LYPD6B: variants seen among roughly 807,000 people sequenced by gnomAD.
LYPD6B encodes LY6/PLAUR domain containing 6B, also known as ly6/PLAUR domain-containing protein 6B.
LYPD6B carries 17 observed loss-of-function variants against 22.8 expected under a neutral mutation model. The ratio of observed to expected loss-of-function variants is 0.75; its 90% CI spans 0.51 to 1.12. LYPD6B has a LOEUF of 1.12. Among genes scored for constraint, LYPD6B ranks in the 50% most tolerant of loss-of-function variants. The pLI is 0.00. For missense variants in LYPD6B, 221 were observed against 258.3 expected, an observed-to-expected ratio of 0.86 and a Z score of 0.99; for synonymous variants, 106 against 91.6, an observed-to-expected ratio of 1.16 and a Z score of -0.90.
chr2:149,210,448 A>G (rs1297617888), intron 5 of LYPD6B, among the ~76,000 whole-genome samples: 1 of 152,216 alleles, frequency 6.6e-6, no homozygotes, highest in Non-Finnish European at 1.5e-5. Flanking sequence ...GGCAGGTCCC[A>G]AAGATACTAA....
chr2:149,214,495 C>T (rs75047241), intron 6 of LYPD6B, 51 bp from the exon 7 acceptor site: 17,550 of 1,570,118 alleles, frequency 0.011, 136 homozygotes, highest in South Asian at 0.013. Flanking sequence ...TCTTTTGCCC[C>T]TTCCCTCTTC....
intron 1 of LYPD6B, among the ~76,000 whole-genome samples, chr2:149,089,784 A>G (rs1685565478): frequency 6.6e-6 from 1 of 152,220 alleles, no homozygotes; most frequent in African/African-American, 2.4e-5. Context: ...AAGGCATTTT[A>G]AAGTATTTAT....
chr2:149,108,747 C>T (rs942144357), intron 1 of LYPD6B, among the ~76,000 whole-genome samples: 4 of 152,112 alleles, frequency 2.6e-5, no homozygotes, highest in African/African-American at 9.7e-5. Context: ...TAATCACCCC[C>T]TTTTGTTCTT....
chr2:149,120,757 A>G (rs545163944), intron 1 of LYPD6B, among the ~76,000 whole-genome samples: 1 of 143,572 alleles, frequency 7.0e-6, no homozygotes, highest in Non-Finnish European at 1.5e-5. Flanking sequence ...ATTAATATAA[A>G]CATTTTTTGC....
At chr2:149,113,438 A>T (rs918920201) in intron 1 of LYPD6B, among the ~76,000 whole-genome samples, 13 of 152,172 alleles carry the variant, frequency 8.5e-5, no homozygotes, top group African/African-American at 3.1e-4. Flanking sequence ...TAAAATTCTG[A>T]GATGAAGTCA....
At chr2:149,210,108 A>G (rs17528703) in intron 5 of LYPD6B, among the ~76,000 whole-genome samples, 15,692 of 152,208 alleles carry the variant, frequency 0.1, 919 homozygotes, top group Non-Finnish European at 0.11. Flanking sequence ...TTCATGGCTC[A>G]TGCTATTGTT....
intron 1 of LYPD6B, among the ~76,000 whole-genome samples, chr2:149,121,652 C>A (rs1687366104): frequency 6.6e-6 from 1 of 152,154 alleles, no homozygotes; most frequent in South Asian, 2.1e-4. Context: ...GGGCTCATAG[C>A]CAGTCCTGGG....
chr2:149,187,353 G>T, intron 3 of LYPD6B: 1 of 1,386,878 alleles, frequency 7.2e-7, no homozygotes, highest in East Asian at 2.9e-5. Flanking sequence ...TGCCCAAATG[G>T]CTATCATTTC....
intron 3 of LYPD6B, among the ~76,000 whole-genome samples, chr2:149,175,023 ATCTC>A (rs142556922): frequency 0.029 from 3,595 of 125,680 alleles, 59 homozygotes; most frequent in African/African-American, 0.033. Flanking sequence ...AATCTCTTTA[ATCTC>A]TCTCTCTCTC....
rs1186665152 is a variant in LYPD6B, at chr2:149,102,368, A to T, written c.-66-28515A>T. ...GTGAGGAAGAGAGGCCTCCACAGTA[A>T]TACAGGATTCTGACAACTTCTGCTA... On this transcript the variant is annotated intron_variant, in intron 1 of 6. Transcript: ENST00000409642. Among the ~76,000 whole-genome samples, 4 of 152,338 alleles carry T rather than the reference A, an allele frequency of 2.6e-5. No homozygotes were observed. In the South Asian group the frequency reaches 8.3e-4, roughly 32 times the overall value.
At chr2:149,065,094 G>A (rs1684261420) in intron 1 of LYPD6B, among the ~76,000 whole-genome samples, 1 of 152,202 alleles carries the variant, frequency 6.6e-6, no homozygotes, top group Non-Finnish European at 1.5e-5. Context: ...CTGTTTTGAA[G>A]TTCACCCTCC....
intron 1 of LYPD6B, among the ~76,000 whole-genome samples, chr2:149,070,354 T>TCTACAAGAAGGA (rs1684540592): frequency 6.6e-6 from 1 of 152,212 alleles, no homozygotes; most frequent in Non-Finnish European, 1.5e-5. Flanking sequence ...AGTTTATTCC[T>TCTACAAGAAGGA]TCTGCTGGGG....
At chr2:149,069,955 CGTGTGTG>C (rs1684522580) in intron 1 of LYPD6B, among the ~76,000 whole-genome samples, 1 of 148,314 alleles carries the variant, frequency 6.7e-6, no homozygotes, top group Non-Finnish European at 1.5e-5. Context: ...TGTGTGTGTA[CGTGTGTG>C]TGTATGTGAA....
intron 2 of LYPD6B, among the ~76,000 whole-genome samples, chr2:149,148,127 G>T (rs953034943): frequency 1.3e-5 from 2 of 152,132 alleles, no homozygotes; most frequent in African/African-American, 4.8e-5. Flanking sequence ...CTGTTCTATG[G>T]AATGCCCTGC....
intron 1 of LYPD6B, among the ~76,000 whole-genome samples, chr2:149,058,956 T>C (rs2105313418): frequency 6.6e-6 from 1 of 152,374 alleles, no homozygotes; most frequent in East Asian, 1.9e-4. Context: ...GTTCCCTTTA[T>C]GCTTCGTGAT....
chr2:149,143,660 T>C (rs191999953), intron 2 of LYPD6B, among the ~76,000 whole-genome samples: 2 of 152,208 alleles, frequency 1.3e-5, no homozygotes, highest in East Asian at 3.9e-4. Context: ...GACAGAATCA[T>C]CACGAGATGC....
intron 5 of LYPD6B, among the ~76,000 whole-genome samples, chr2:149,212,277 G>A (rs1693906278): frequency 6.7e-6 from 1 of 148,890 alleles, no homozygotes; most frequent in Non-Finnish European, 1.5e-5. Context: ...AGCTACTCAG[G>A]AGGTTGAGGA....
intron 1 of LYPD6B, among the ~76,000 whole-genome samples, chr2:149,055,631 C>T (rs1050739815): frequency 6.6e-6 from 1 of 152,134 alleles, no homozygotes; most frequent in African/African-American, 2.4e-5. Context: ...TTTATCTTTT[C>T]TGATGCAGTG....
chr2:149,185,267 A>G (rs1209915709), intron 3 of LYPD6B, among the ~76,000 whole-genome samples: 1 of 152,170 alleles, frequency 6.6e-6, no homozygotes, highest in African/African-American at 2.4e-5. Flanking sequence ...AACTAGAACA[A>G]TCTCACATTA....
Sources: gnomAD v4.1 joint callset for allele counts (sites outside exome capture counted in the v4.1 genomes callset) on GRCh38, gnomAD v4.1.1 for gene constraint, MANE v1.5 for transcripts, NCBI Gene and HGNC (gene_info 2026-07-23, HGNC 2026-07-21) for gene names.